PRDM2: variants seen among roughly 807,000 people sequenced by gnomAD.
PRDM2 encodes PR/SET domain 2.
A neutral mutation model predicts 130.0 loss-of-function variants in PRDM2; 30 were observed. The ratio of observed to expected loss-of-function variants is 0.23; its 90% CI spans 0.17 to 0.31. PRDM2 has a LOEUF of 0.31. Ranked by LOEUF, PRDM2 falls within the 10% of genes least tolerant of loss-of-function variation. PRDM2 has a pLI of 1.00. For missense variants in PRDM2, 2,011 were observed against 2,108.4 expected (o/e 0.95, Z 0.90); for synonymous variants, 871 against 782.4 (o/e 1.11, Z -1.89).
At chr1:13,797,506 TACAG>T (rs1389555848) in intron 8 of PRDM2, among the ~76,000 whole-genome samples, 1 of 152,240 alleles carries the variant, frequency 6.6e-6, no homozygotes, top group Non-Finnish European at 1.5e-5. Context: ...TTTTAAAAAT[TACAG>T]ACACAGCTCG....
chr1:13,717,094 T>C (rs1642566566), intron 2 of PRDM2, among the ~76,000 whole-genome samples: 1 of 152,216 alleles, frequency 6.6e-6, no homozygotes, highest in South Asian at 2.1e-4. Flanking sequence ...GAAATGTTTA[T>C]TTTAATGCAG....
At position 13,780,856 on chromosome 1, in the gene PRDM2, C is replaced by A; in HGVS notation, c.3061C>A (p.Pro1021Thr). 1 of 1,610,478 alleles carries A rather than the reference C, an allele frequency of 6.2e-7. No homozygotes were observed. Among genetic ancestry groups the A allele is most frequent in the Non-Finnish European group, 8.5e-7 (1 of 1,177,292 alleles). The change falls in exon 8 of 10, where the codon CCA becomes ACA. Residue 1021 changes from proline to threonine, a missense_variant. This residue lies in a region of PRDM2 where 1,288 missense variants were observed against 1,237.7 expected (regional missense o/e 1.04). Transcript: ENST00000311066. ...LSNATAQSPL[P>T]ILSPTVSPSP... ...AAATGCCACCGCACAGTCCCCACTTCCAATTCTGTCCCCAACAGTGTCCCC... is the reference window on the plus strand; with the variant it reads ...AAATGCCACCGCACAGTCCCCACTTACAATTCTGTCCCCAACAGTGTCCCC...
chr1:13,760,639 C>T (rs550269617), intron 6 of PRDM2, among the ~76,000 whole-genome samples: 14 of 152,160 alleles, frequency 9.2e-5, no homozygotes, highest in South Asian at 2.1e-4. Flanking sequence ...ATTGTGACTT[C>T]GGATGGGTTA....
intron 5 of PRDM2, among the ~76,000 whole-genome samples, chr1:13,745,463 C>T (rs1342284823): frequency 3.4e-5 from 5 of 147,792 alleles, no homozygotes; most frequent in African/African-American, 1.3e-4. Context: ...TGTGCTCTGT[C>T]GCCCAGGCTG....
chr1:13,741,720 T>TTGTGTGTGTGTGTG (rs200384633), intron 4 of PRDM2, among the ~76,000 whole-genome samples: 1,300 of 112,540 alleles, frequency 0.012, 59 homozygotes, highest in African/African-American at 0.026. Context: ...CTCTTTAAGT[T>TTGTGTGTGTGTGTG]TGTGTGTGTG....
chr1:13,750,697 G>T (rs1205255843), intron 6 of PRDM2, among the ~76,000 whole-genome samples: 2 of 151,940 alleles, frequency 1.3e-5, no homozygotes, highest in Non-Finnish European at 2.9e-5. Flanking sequence ...TCTATTTATT[G>T]AATGTGATGT....
At chr1:13,792,761 A>C (rs1644861294) in intron 8 of PRDM2, among the ~76,000 whole-genome samples, 1 of 152,208 alleles carries the variant, frequency 6.6e-6, no homozygotes, top group Non-Finnish European at 1.5e-5. Flanking sequence ...GGAGTTGAGG[A>C]TGCGCCTGGA....
chr1:13,741,047 C>G (rs868190168), intron 4 of PRDM2, among the ~76,000 whole-genome samples: 3 of 152,212 alleles, frequency 2.0e-5, no homozygotes, highest in African/African-American at 7.2e-5. Context: ...ATTTCTTTTG[C>G]CCAGCACGTC....
chr1:13,770,441 T>C (rs1361919495), intron 6 of PRDM2: 5 of 315,960 alleles, frequency 1.6e-5, no homozygotes, highest in South Asian at 7.8e-5. Context: ...TCTATTTACA[T>C]GTAGAACAGT....
intron 2 of PRDM2, among the ~76,000 whole-genome samples, chr1:13,722,118 C>T (rs1271697893): frequency 1.3e-5 from 2 of 152,138 alleles, no homozygotes; most frequent in African/African-American, 4.8e-5. Flanking sequence ...CCCAAACATC[C>T]CTTCTCTGGG....
chr1:13,732,843 A>G lies in PRDM2; in HGVS notation c.192A>G (p.Lys64=). The change falls in exon 4 of 10, where the codon AAA becomes AAG. Residue 64 remains lysine (K), a synonymous_variant. Transcript: ENST00000311066. ...KKFGPFVGDK[K]KRSQVKNNVY... is the part of the protein sequence containing the mutation. ...TTGGGCCATTTGTTGGTGATAAGAA[A>G]AAAAGATCTCAGGTTAAGAATAATG... 2 of 1,608,852 alleles carry G rather than the reference A, an allele frequency of 1.2e-6. No individual in the cohort carries two copies. Among genetic ancestry groups the G allele is most frequent in the South Asian group, 1.1e-5 (1 of 89,852 alleles).
intron 8 of PRDM2, among the ~76,000 whole-genome samples, chr1:13,802,924 G>A (rs957616064): frequency 7.9e-5 from 12 of 152,228 alleles, no homozygotes; most frequent in African/African-American, 2.9e-4. Context: ...GCAGGGGAGC[G>A]TGTGATGGGA....
intron 9 of PRDM2, 119 bp downstream of exon 9, chr1:13,816,689 C>CA: frequency 1.5e-6 from 2 of 1,349,488 alleles, no homozygotes; most frequent in Non-Finnish European, 2.0e-6. Flanking sequence ...TTGTGTGTAC[C>CA]AGGCACGGTG....
rs987127023 is a variant in PRDM2 at position 13,823,284 on chromosome 1, T to C, written c.*149T>C. The C allele has an allele frequency of 3.8e-6, 5 of 1,322,792 alleles. No homozygotes were observed. The highest frequency in any genetic ancestry group is 5.4e-6 in the Non-Finnish European group (5 of 928,958). 81.9% of individuals were successfully genotyped at this position (1,322,792 alleles called of 1,614,324 possible). A position where few individuals can be genotyped will look rare whatever the true frequency, so the allele number is the denominator to read the frequency against. Reference sequence around the variant, plus strand: ...GAGTGCATGTGCGCGCGTGCATGTGTGCGTGCGTGTGTGTTCACGTGTTCT... The same window carrying C: ...GAGTGCATGTGCGCGCGTGCATGTGCGCGTGCGTGTGTGTTCACGTGTTCT... On this transcript the variant is annotated 3_prime_UTR_variant, in exon 10 of 10. Coordinates refer to ENST00000311066, the MANE Select transcript of PRDM2 (RefSeq NM_001393986.1).
chr1:13,716,182 C>G (rs1374902431), intron 2 of PRDM2, among the ~76,000 whole-genome samples: 1 of 151,688 alleles, frequency 6.6e-6, no homozygotes, highest in Non-Finnish European at 1.5e-5. Context: ...TCATCATTCT[C>G]AGTAAACTAT....
intron 1 of PRDM2, among the ~76,000 whole-genome samples, chr1:13,711,321 G>A (rs1469329608): frequency 6.6e-6 from 1 of 152,184 alleles, no homozygotes; most frequent in African/African-American, 2.4e-5. Context: ...CGGGGGTTTT[G>A]AGCAGTGCTG....
At position 13,780,081 on chromosome 1, in the gene PRDM2, A is replaced by C. The variant is rs1203879987; in HGVS notation, c.2286A>C (p.Ala762=). Residue 762 remains alanine (A), a synonymous_variant, in exon 8 of 10, where the codon GCA becomes GCC. Transcript: ENST00000311066. ...GAAAGCCAAGTGATGGGAAAGCAGC[A>C]TGGACCGATGCCGGGCTGACTTCCA... is the stretch of plus-strand genomic sequence containing the variant. The part of the protein sequence containing the change: ...DFGKPSDGKA[A]WTDAGLTSKK... The C allele has an allele frequency of 6.2e-7, 1 of 1,614,148 alleles. No individual in the cohort carries two copies. Among genetic ancestry groups the C allele is most frequent in the Non-Finnish European group, 8.5e-7 (1 of 1,179,994 alleles).
intron 8 of PRDM2, among the ~76,000 whole-genome samples, chr1:13,792,300 CA>C (rs1644853082): frequency 6.6e-6 from 1 of 152,320 alleles, no homozygotes; most frequent in East Asian, 1.9e-4. Flanking sequence ...GGTAAGTTAA[CA>C]AAAGGGCATT....
chr1:13,741,870 T>G (rs1643457059), intron 4 of PRDM2, 135 bp from the exon 5 acceptor site: 3 of 680,308 alleles, frequency 4.4e-6, no homozygotes, highest in Non-Finnish European at 7.3e-6. Flanking sequence ...CTGTCGCTTG[T>G]TTTGTTTTTA....
Sources: gnomAD v4.1 joint callset for allele counts (sites outside exome capture counted in the v4.1 genomes callset) on GRCh38, gnomAD v4.1.1 for gene constraint, gnomAD v4.1.1 regional missense constraint, MANE v1.5 for transcripts, NCBI Gene and HGNC (gene_info 2026-07-23, HGNC 2026-07-21) for gene names.